Variants in LRRTM4 observed in about 807,000 individuals in gnomAD.
The protein encoded by LRRTM4 is leucine rich repeat transmembrane neuronal 4, also known as leucine-rich repeat transmembrane neuronal protein 4.
Under a neutral mutation model 47.6 loss-of-function variants are expected in LRRTM4, and 25 were observed. The ratio of observed to expected loss-of-function variants is 0.53; its 90% CI spans 0.38 to 0.73. The LOEUF (loss-of-function observed/expected upper bound fraction) is 0.73, where lower values mean the gene tolerates loss of function less well. Among genes scored for constraint, LRRTM4 ranks in the 30% least tolerant of loss-of-function variants. LRRTM4 has a pLI of 0.00. For synonymous variants in LRRTM4, 311 were observed against 269.5 expected (o/e 1.15, Z -1.51); for missense variants, 638 against 713.4 (o/e 0.89, Z 1.20).
At chr2:77,347,048 G>A (rs1671590611) in intron 3 of LRRTM4, among the ~76,000 whole-genome samples, 1 of 152,026 alleles carries the variant, frequency 6.6e-6, no homozygotes, top group Non-Finnish European at 1.5e-5. Flanking sequence ...GCCAATATAG[G>A]GTGGCCAAAG....
intron 3 of LRRTM4, among the ~76,000 whole-genome samples, chr2:77,473,709 T>C (rs1677276207): frequency 1.3e-5 from 2 of 152,138 alleles, no homozygotes; most frequent in South Asian, 2.1e-4. Context: ...ATGATTTGTG[T>C]TGATTTTCAA....
intron 3 of LRRTM4, among the ~76,000 whole-genome samples, chr2:77,492,266 T>G (rs1038154565): frequency 2.6e-5 from 4 of 152,204 alleles, no homozygotes; most frequent in African/African-American, 9.7e-5. Context: ...TGTTTTGTTT[T>G]GTTTCTCTTT....
At chr2:76,808,832 T>TC (rs1670641035) in intron 3 of LRRTM4, among the ~76,000 whole-genome samples, 1 of 152,002 alleles carries the variant, frequency 6.6e-6, no homozygotes, top group African/African-American at 2.4e-5. Flanking sequence ...ACTTTTTTTT[T>TC]CAGTTCAACT....
chr2:77,027,155 A>C (rs1039198650), intron 3 of LRRTM4, among the ~76,000 whole-genome samples: 2 of 152,024 alleles, frequency 1.3e-5, no homozygotes, highest in Non-Finnish European at 2.9e-5. Flanking sequence ...TATTTCCACC[A>C]CTAGACATAA....
chr2:77,504,197 G>C (rs530034581), intron 3 of LRRTM4, among the ~76,000 whole-genome samples: 12 of 151,570 alleles, frequency 7.9e-5, no homozygotes, highest in Admixed American at 3.3e-4. Flanking sequence ...GCTAAATCCA[G>C]ACTGCCACCA....
intron 3 of LRRTM4, among the ~76,000 whole-genome samples, chr2:77,112,260 C>A (rs570527646): frequency 2.0e-5 from 3 of 152,206 alleles, no homozygotes; most frequent in Admixed American, 6.5e-5. Flanking sequence ...CTGTTTACTT[C>A]TATTTGTTTA....
intron 3 of LRRTM4, among the ~76,000 whole-genome samples, chr2:77,492,210 T>C (rs543786352): frequency 3.7e-4 from 56 of 152,330 alleles, no homozygotes; most frequent in African/African-American, 1.3e-3. Context: ...TAAAATGTTA[T>C]AGAATTTATC....
intron 3 of LRRTM4, among the ~76,000 whole-genome samples, chr2:76,844,073 T>C (rs1284842354): frequency 6.6e-6 from 1 of 151,656 alleles, no homozygotes; most frequent in African/African-American, 2.4e-5. Context: ...GGCTAATTTT[T>C]TGTATTGTTA....
At chr2:77,514,722 CT>C (rs1679145215) in intron 3 of LRRTM4, among the ~76,000 whole-genome samples, 1 of 151,826 alleles carries the variant, frequency 6.6e-6, no homozygotes, top group African/African-American at 2.4e-5. Flanking sequence ...ACCAATTTAA[CT>C]TTTTTTAATG....
intron 3 of LRRTM4, among the ~76,000 whole-genome samples, chr2:77,375,415 C>T (rs1223389263): frequency 6.6e-6 from 1 of 151,646 alleles, no homozygotes; most frequent in East Asian, 1.9e-4. Context: ...TCCTTGCACA[C>T]CTTCTTGTTT....
chr2:76,831,923 A>T (rs1671364198), intron 3 of LRRTM4, among the ~76,000 whole-genome samples: 6 of 152,074 alleles, frequency 3.9e-5, no homozygotes, highest in Admixed American at 3.9e-4. Flanking sequence ...GGGGTTACTA[A>T]ATGTTAAATA....
intron 3 of LRRTM4, among the ~76,000 whole-genome samples, chr2:77,158,713 G>A (rs1422567614): frequency 6.6e-6 from 1 of 151,574 alleles, no homozygotes; most frequent in Non-Finnish European, 1.5e-5. Context: ...TTTTGTACTA[G>A]AAAGTACAAA....
intron 3 of LRRTM4, among the ~76,000 whole-genome samples, chr2:76,795,042 GT>G (rs1219854480): frequency 6.6e-6 from 1 of 151,774 alleles, no homozygotes; most frequent in Non-Finnish European, 1.5e-5. Flanking sequence ...AGATACTTCT[GT>G]ATGGCAGATA....
At chr2:76,755,275 G>A (rs1203033863) in intron 3 of LRRTM4, among the ~76,000 whole-genome samples, 1 of 152,080 alleles carries the variant, frequency 6.6e-6, no homozygotes, top group Non-Finnish European at 1.5e-5. Flanking sequence ...AGATAAGACA[G>A]CTCCCAGACA....
chr2:77,295,938 AG>A (rs796287057), intron 3 of LRRTM4, among the ~76,000 whole-genome samples: 9 of 152,334 alleles, frequency 5.9e-5, no homozygotes, highest in African/African-American at 2.2e-4. Flanking sequence ...GGCCCAACTC[AG>A]GCCATGACAA....
rs192979842 is a variant in LRRTM4, at chr2:77,167,054, G to T, written c.1551+351264C>A. Among the ~76,000 whole-genome samples, 13 of 151,990 alleles carry T rather than the reference G, an allele frequency of 8.6e-5. No individual in the cohort carries two copies. The East Asian group carries it at 1.2e-3, about 14-fold the overall frequency. ...ATGGGAGAAAATTTTTACAATCTAC[G>T]CATCTGACAAAGGGCTAATACCCAG... On this transcript the variant is annotated intron_variant, in intron 3 of 3. Coordinates refer to ENST00000409884, the MANE Select transcript of LRRTM4 (RefSeq NM_001134745.3).
intron 3 of LRRTM4, among the ~76,000 whole-genome samples, chr2:76,975,073 C>G (rs1333746897): frequency 2.6e-5 from 4 of 151,588 alleles, no homozygotes; most frequent in Non-Finnish European, 4.4e-5. Flanking sequence ...AACAAACAAA[C>G]CAACAAAAAC....
chr2:77,413,431 G>C (rs775353897), intron 3 of LRRTM4, among the ~76,000 whole-genome samples: 3 of 152,070 alleles, frequency 2.0e-5, no homozygotes, highest in Non-Finnish European at 2.9e-5. Context: ...ATTCCAAACA[G>C]TGAAAAGTTT....
intron 3 of LRRTM4, among the ~76,000 whole-genome samples, chr2:77,198,569 T>C (rs557039395): frequency 6.6e-6 from 1 of 152,294 alleles, no homozygotes; most frequent in South Asian, 2.1e-4. Context: ...CATTTTCTAT[T>C]TGGAGATAAA....
Sources: gnomAD v4.1 joint callset for allele counts (sites outside exome capture counted in the v4.1 genomes callset) on GRCh38, gnomAD v4.1.1 for gene constraint, MANE v1.5 for transcripts, NCBI Gene and HGNC (gene_info 2026-07-23, HGNC 2026-07-21) for gene names.